MAP1LC3B2: variants seen among roughly 807,000 people sequenced by gnomAD.
The protein encoded by MAP1LC3B2 is microtubule associated protein 1 light chain 3 beta 2.
For missense variants in MAP1LC3B2, 155 were observed against 154.6 expected (o/e 1.00, Z -0.01); for synonymous variants, 62 against 57.8 (o/e 1.07, Z -0.33).
chr12:116,560,226 A>ATG (rs1566022595), intron 1 of MAP1LC3B2: 6 of 101,102 alleles, frequency 5.9e-5, no homozygotes, highest in Middle Eastern at 4.8e-3. Flanking sequence ...ATATATATAT[A>ATG]TATATATATA....
At chr12:116,571,682 C>T (rs937995317) in intron 1 of MAP1LC3B2, among the ~76,000 whole-genome samples, 65 of 151,394 alleles carry the variant, frequency 4.3e-4, no homozygotes, top group African/African-American at 1.5e-3. Flanking sequence ...GGGATTTCAC[C>T]GTGTTAGCCA....
At chr12:116,566,791 C>T (rs867970185) in intron 1 of MAP1LC3B2, among the ~76,000 whole-genome samples, 7 of 150,072 alleles carry the variant, frequency 4.7e-5, no homozygotes, top group Non-Finnish European at 8.9e-5. Flanking sequence ...ATGTGCTGGG[C>T]GTGGTGGTGG....
intron 1 of MAP1LC3B2, among the ~76,000 whole-genome samples, chr12:116,574,621 G>A (rs754812975): frequency 2.0e-5 from 3 of 151,342 alleles, no homozygotes; most frequent in Non-Finnish European, 4.4e-5. Context: ...GCTCCAGCCT[G>A]GGGGACAGAG....
intron 1 of MAP1LC3B2, among the ~76,000 whole-genome samples, chr12:116,560,374 G>A (rs752727717): frequency 2.6e-5 from 4 of 151,428 alleles, no homozygotes; most frequent in Non-Finnish European, 5.9e-5. Context: ...TCAGCCTTCC[G>A]ACTAGCTGGG....
At chr12:116,565,304 A>G (rs529034783) in intron 1 of MAP1LC3B2, among the ~76,000 whole-genome samples, 1 of 152,358 alleles carries the variant, frequency 6.6e-6, no homozygotes, top group Admixed American at 6.5e-5. Context: ...ATGGATGTGG[A>G]GGCCTCACAA....
intron 1 of MAP1LC3B2, among the ~76,000 whole-genome samples, chr12:116,574,730 G>A (rs55639212): frequency 0.66 from 99,129 of 150,964 alleles, 33,403 homozygotes; most frequent in Non-Finnish European, 0.7. Context: ...GTATTTTTGT[G>A]TTTTTAGTAG....
At chr12:116,568,759 A>T (rs1213520466) in intron 1 of MAP1LC3B2, among the ~76,000 whole-genome samples, 1 of 152,120 alleles carries the variant, frequency 6.6e-6, no homozygotes, top group African/African-American at 2.4e-5. Context: ...TCATCATGTG[A>T]TGCCCTCCAC....
At chr12:116,564,438 C>T (rs943077858) in intron 1 of MAP1LC3B2, among the ~76,000 whole-genome samples, 2 of 151,444 alleles carry the variant, frequency 1.3e-5, no homozygotes, top group African/African-American at 4.9e-5. Context: ...TGCAGTGGCT[C>T]TAGAGAAGCT....
intron 1 of MAP1LC3B2, among the ~76,000 whole-genome samples, chr12:116,564,627 G>A (rs1393985931): frequency 6.6e-6 from 1 of 152,168 alleles, no homozygotes; most frequent in African/African-American, 2.4e-5. Context: ...GCAGTTCCTT[G>A]ACAGTCTTGT....
chr12:116,565,267 A>C (rs545724940), intron 1 of MAP1LC3B2, among the ~76,000 whole-genome samples: 2 of 152,232 alleles, frequency 1.3e-5, no homozygotes, highest in Non-Finnish European at 2.9e-5. Flanking sequence ...TACAAAAGAA[A>C]GAGGTTTAAT....
intron 1 of MAP1LC3B2, among the ~76,000 whole-genome samples, chr12:116,575,046 G>A (rs1869635224): frequency 6.6e-6 from 1 of 152,022 alleles, no homozygotes; most frequent in Admixed American, 6.6e-5. Flanking sequence ...CGGGCTTGGT[G>A]GTGCATGCCT....
intron 1 of MAP1LC3B2, among the ~76,000 whole-genome samples, chr12:116,574,573 G>A (rs1869620280): frequency 6.6e-6 from 1 of 151,980 alleles, no homozygotes; most frequent in Non-Finnish European, 1.5e-5. Context: ...TTGAGTCCAG[G>A]AGGTCAAGGT....
chr12:116,574,941 G>T (rs933756558), intron 1 of MAP1LC3B2, among the ~76,000 whole-genome samples: 3 of 151,740 alleles, frequency 2.0e-5, no homozygotes, highest in Non-Finnish European at 1.5e-5. Context: ...AGTGGCTCAC[G>T]TCTGTGATCC....
chr12:116,563,612 C>T (rs1326089017), intron 1 of MAP1LC3B2, among the ~76,000 whole-genome samples: 1 of 152,056 alleles, frequency 6.6e-6, no homozygotes, highest in African/African-American at 2.4e-5. Flanking sequence ...TTTATCTTGC[C>T]TGGGCTTTGC....
intron 1 of MAP1LC3B2, among the ~76,000 whole-genome samples, chr12:116,575,349 T>C (rs891995044): frequency 1.3e-5 from 2 of 152,196 alleles, no homozygotes; most frequent in East Asian, 1.9e-4. Flanking sequence ...GGGAGTTGCA[T>C]TGGAGAGCAG....
At chr12:116,567,448 CT>C (rs35722581) in intron 1 of MAP1LC3B2, among the ~76,000 whole-genome samples, 17,944 of 127,586 alleles carry the variant, frequency 0.14, 1,633 homozygotes, top group African/African-American at 0.32. Context: ...CTTTGCAAAT[CT>C]TTTTTTTTTT....
At chr12:116,563,773 C>A (rs570526437) in intron 1 of MAP1LC3B2, among the ~76,000 whole-genome samples, 63 of 152,144 alleles carry the variant, frequency 4.1e-4, no homozygotes, top group Non-Finnish European at 8.1e-4. Context: ...AGGCCCCTGA[C>A]ACTCTGATTA....
chr12:116,574,306 G>A (rs1472429540), intron 1 of MAP1LC3B2, among the ~76,000 whole-genome samples: 1 of 151,090 alleles, frequency 6.6e-6, no homozygotes, highest in East Asian at 1.9e-4. Flanking sequence ...GGTTGAGCAA[G>A]TCATGATATA....
chr12:116,572,947 A>ACAGT (rs1472930733), intron 1 of MAP1LC3B2, among the ~76,000 whole-genome samples: 3 of 151,826 alleles, frequency 2.0e-5, no homozygotes, highest in African/African-American at 7.3e-5. Flanking sequence ...TTTTCCTGAG[A>ACAGT]CAGTCTGGAG....
Sources: allele counts gnomAD v4.1 joint callset (sites outside exome capture counted in the v4.1 genomes callset), GRCh38; gene constraint gnomAD v4.1.1; transcripts MANE v1.5; gene names NCBI Gene and HGNC (gene_info 2026-07-23, HGNC 2026-07-21).